Variants in MAPRE2 observed in about 807,000 individuals in gnomAD.
MAPRE2 encodes the protein microtubule associated protein RP/EB family member 2, also known as microtubule-associated protein RP/EB family member 2.
Under a neutral mutation model 43.2 loss-of-function variants are expected in MAPRE2, and 13 were observed. The observed-to-expected ratio is 0.30, with a 90% CI of 0.20 to 0.48. MAPRE2 has a LOEUF of 0.48. Ranked by LOEUF, MAPRE2 falls within the 20% of genes least tolerant of loss-of-function variation. The pLI, the probability that MAPRE2 is intolerant of heterozygous loss-of-function variation, is 0.99. For missense variants in MAPRE2, 161 were observed against 400.2 expected (o/e 0.40, Z 5.10); for synonymous variants, 135 against 148.8 (o/e 0.91, Z 0.68).
intron 1 of MAPRE2, among the ~76,000 whole-genome samples, chr18:34,985,255 AATATAAT>A (rs2097019114): frequency 4.1e-5 from 2 of 48,890 alleles, no homozygotes; most frequent in Non-Finnish European, 6.5e-5. Context: ...TAAAATATAT[AATATAAT>A]ATATTATATA....
At chr18:35,131,485 T>C (rs9962496) in intron 5 of MAPRE2, among the ~76,000 whole-genome samples, 7,013 of 152,194 alleles carry the variant, frequency 0.046, 541 homozygotes, top group African/African-American at 0.16. Context: ...GGCCCCATTC[T>C]TCATAGATGG....
intron 2 of MAPRE2, among the ~76,000 whole-genome samples, chr18:35,023,301 A>G (rs2097043068): frequency 6.6e-6 from 1 of 152,004 alleles, no homozygotes. Flanking sequence ...TCATGAGGTC[A>G]GGAGATCAAG....
At chr18:35,106,544 A>C (rs542817995) in intron 4 of MAPRE2, among the ~76,000 whole-genome samples, 34 of 152,156 alleles carry the variant, frequency 2.2e-4, no homozygotes, top group Non-Finnish European at 2.1e-4. Flanking sequence ...ATAAGCATGC[A>C]CCAGAGATTG....
rs372305764 is a variant in MAPRE2, at chr18:35,070,363, G to C, written c.250+41G>C. 1.5e-4 allele frequency: 229 copies of C among 1,539,068 alleles called. No homozygotes were observed. The African/African-American group carries it at 2.9e-3, about 20-fold the overall frequency. On this transcript the variant is annotated intron_variant, in intron 2 of 6. Transcript: ENST00000300249. Reference sequence around the variant, plus strand: ...TTAAGTGTTTACCTAAATATTTACAGTCTGTCATGTGGAATGTGATTTTAT... The same window carrying C: ...TTAAGTGTTTACCTAAATATTTACACTCTGTCATGTGGAATGTGATTTTAT...
At chr18:34,999,935 C>T (rs562427308) in intron 1 of MAPRE2, among the ~76,000 whole-genome samples, 6 of 152,018 alleles carry the variant, frequency 3.9e-5, no homozygotes, top group Admixed American at 1.3e-4. Context: ...AACCCAAGAC[C>T]ATTAATTGAG....
At position 35,082,289 on chromosome 18, in the gene MAPRE2, C is replaced by CAAAAAAAAAAAA. The variant is rs777649319; in HGVS notation, c.250+11979_250+11990dup. 10 of 28,828 alleles carry CAAAAAAAAAAAA rather than the reference C, an allele frequency of 3.5e-4. No homozygotes were observed. In the African/African-American group the frequency reaches 4.0e-3, roughly 12 times the overall value. The allele number at this position is 28,828 out of a possible 1,614,324, so 1.8% of individuals were successfully genotyped here. On this transcript the variant is annotated intron_variant, in intron 2 of 6. Transcript: ENST00000300249. ...TGGGCGACAGAGCGAGACTCCGTCT[C>CAAAAAAAAAAAA]AAAAAAAAAAAAAAAAAAAAAAATA...
At chr18:35,123,098 G>T (rs904911758) in intron 4 of MAPRE2, among the ~76,000 whole-genome samples, 1 of 152,170 alleles carries the variant, frequency 6.6e-6, no homozygotes, top group African/African-American at 2.4e-5. Flanking sequence ...TGCTCTCCTG[G>T]CCAGTGTCCT....
At chr18:35,062,855 A>G (rs529553093) in intron 1 of MAPRE2, among the ~76,000 whole-genome samples, 17 of 152,348 alleles carry the variant, frequency 1.1e-4, no homozygotes, top group African/African-American at 4.1e-4. Flanking sequence ...CTTTTTCTTT[A>G]TATCTCTCTT....
At chr18:35,034,835 T>C (rs1286437008) in intron 2 of MAPRE2, among the ~76,000 whole-genome samples, 1 of 152,168 alleles carries the variant, frequency 6.6e-6, no homozygotes, top group African/African-American at 2.4e-5. Flanking sequence ...CCAGTTAGAA[T>C]GGCAATCATT....
rs116595042 is a variant in MAPRE2, at chr18:35,027,044, G to A, written c.-8+21491G>A. On this transcript the variant is annotated intron_variant, in intron 2 of 7. Transcript: ENST00000413393. ...GCTTACAAGTTGATTTTGAAACTCC[G>A]AAGTTGAACATTCATTCTTTTCTTC... 4.1e-3 allele frequency among the ~76,000 whole-genome samples: 621 copies of A among 152,240 alleles called. 2 individuals carry two copies. The highest frequency in any genetic ancestry group is 0.014 in the African/African-American group (583 of 41,542).
intron 4 of MAPRE2, among the ~76,000 whole-genome samples, chr18:35,116,061 G>C (rs1379337403): frequency 6.6e-6 from 1 of 152,132 alleles, no homozygotes; most frequent in Admixed American, 6.5e-5. Context: ...AAATCCTAGT[G>C]GGAAAATCTG....
chr18:35,079,179 T>G (rs1479778062), intron 2 of MAPRE2, among the ~76,000 whole-genome samples: 1 of 152,196 alleles, frequency 6.6e-6, no homozygotes, highest in African/African-American at 2.4e-5. Context: ...CTTTTCTTAT[T>G]TTTATCCCAG....
intron 1 of MAPRE2, among the ~76,000 whole-genome samples, chr18:35,047,510 CAA>C (rs779857699): frequency 6.6e-6 from 1 of 152,046 alleles, no homozygotes; most frequent in African/African-American, 2.4e-5. Flanking sequence ...AGAATTCTCT[CAA>C]AGTGGAAACC....
At chr18:35,125,533 G>T (rs957906061) in intron 4 of MAPRE2, among the ~76,000 whole-genome samples, 1 of 152,246 alleles carries the variant, frequency 6.6e-6, no homozygotes, top group Non-Finnish European at 1.5e-5. Flanking sequence ...AAGAGCAGGG[G>T]TTGGGGAATT....
At chr18:35,050,683 G>A (rs1905893703) in intron 1 of MAPRE2, among the ~76,000 whole-genome samples, 1 of 152,124 alleles carries the variant, frequency 6.6e-6, no homozygotes, top group African/African-American at 2.4e-5. Context: ...TGAGATTGCA[G>A]GTAATTGCCA....
intron 2 of MAPRE2, among the ~76,000 whole-genome samples, chr18:35,010,333 G>T (rs9950776): frequency 6.6e-6 from 1 of 152,090 alleles, no homozygotes; most frequent in African/African-American, 2.4e-5. Context: ...TTGAATCCAA[G>T]AGTTCAAGGC....
At chr18:35,115,572 C>T (rs1448031679) in intron 4 of MAPRE2, among the ~76,000 whole-genome samples, 1 of 152,148 alleles carries the variant, frequency 6.6e-6, no homozygotes, top group Non-Finnish European at 1.5e-5. Flanking sequence ...ACTCTTATGC[C>T]TTTGCATCCT....
chr18:35,086,906 G>T (rs1017621794), intron 2 of MAPRE2, among the ~76,000 whole-genome samples: 7 of 152,052 alleles, frequency 4.6e-5, no homozygotes, highest in Admixed American at 3.9e-4. Context: ...TGTTTCTTGC[G>T]TAATATATTC....
At chr18:35,109,969 A>G (rs774966908) in intron 4 of MAPRE2, among the ~76,000 whole-genome samples, 13 of 152,108 alleles carry the variant, frequency 8.5e-5, no homozygotes, top group Non-Finnish European at 1.5e-4. Flanking sequence ...TAATTTACTT[A>G]CCGCCTTTTA....
Sources: allele counts gnomAD v4.1 joint callset (sites outside exome capture counted in the v4.1 genomes callset), GRCh38; gene constraint gnomAD v4.1.1; transcripts MANE v1.5; gene names NCBI Gene and HGNC (gene_info 2026-07-23, HGNC 2026-07-21).